CNTNAP2: variants seen among roughly 807,000 people sequenced by gnomAD.
CNTNAP2 encodes contactin associated protein 2.
In CNTNAP2, 98 loss-of-function variants were observed where a neutral mutation model predicts 155.2. The ratio of observed to expected loss-of-function variants is 0.63; its 90% CI spans 0.54 to 0.75. The LOEUF is 0.75. CNTNAP2 is among the 30% of genes least tolerant of loss of function. CNTNAP2 has a pLI of 0.00. For synonymous variants in CNTNAP2, 651 were observed against 631.2 expected (o/e 1.03, Z -0.47); for missense variants, 1,727 against 1,688.1 (o/e 1.02, Z -0.40).
chr7:147,657,660 A>G (rs1795545794), intron 13 of CNTNAP2, among the ~76,000 whole-genome samples: 1 of 152,208 alleles, frequency 6.6e-6, no homozygotes, highest in African/African-American at 2.4e-5. Flanking sequence ...GAGGAAAAAT[A>G]TAATTGGGGT....
At chr7:147,486,766 A>G (rs1242305192) in intron 11 of CNTNAP2, among the ~76,000 whole-genome samples, 1 of 152,206 alleles carries the variant, frequency 6.6e-6, no homozygotes, top group African/African-American at 2.4e-5. Flanking sequence ...TAATTTTCCA[A>G]TAATGCATCG....
intron 13 of CNTNAP2, among the ~76,000 whole-genome samples, chr7:147,794,650 T>A (rs568625265): frequency 6.6e-6 from 1 of 152,018 alleles, no homozygotes; most frequent in East Asian, 1.9e-4. Flanking sequence ...AATAGCCTCA[T>A]AGAATGAATA....
intron 13 of CNTNAP2, among the ~76,000 whole-genome samples, chr7:147,851,799 T>C (rs1239187722): frequency 2.7e-5 from 4 of 150,086 alleles, no homozygotes; most frequent in African/African-American, 4.9e-5. Flanking sequence ...TTAGGAGATA[T>C]ACCTAATGTA....
chr7:147,454,215 C>T (rs1473377915), intron 10 of CNTNAP2, among the ~76,000 whole-genome samples: 2 of 152,106 alleles, frequency 1.3e-5, no homozygotes, highest in Non-Finnish European at 2.9e-5. Context: ...TTTTCCCATG[C>T]CATACATTTC....
chr7:148,342,218 A>C (rs1798248949), intron 21 of CNTNAP2, among the ~76,000 whole-genome samples: 1 of 152,142 alleles, frequency 6.6e-6, no homozygotes, highest in African/African-American at 2.4e-5. Context: ...CAAATGTGAA[A>C]TTTTTGTCCT....
intron 13 of CNTNAP2, among the ~76,000 whole-genome samples, chr7:147,775,364 A>T (rs376836947): frequency 3.0e-4 from 10 of 33,782 alleles, no homozygotes; most frequent in South Asian, 1.6e-3. Flanking sequence ...TATATTTATA[A>T]ATATATATAT....
intron 3 of CNTNAP2, among the ~76,000 whole-genome samples, chr7:146,855,449 T>C (rs375805571): frequency 2.6e-5 from 4 of 152,130 alleles, no homozygotes; most frequent in African/African-American, 7.2e-5. Context: ...CAAATATAGA[T>C]TGGTTGAATA....
intron 4 of CNTNAP2, among the ~76,000 whole-genome samples, chr7:147,078,224 A>T (rs565815533): frequency 3.7e-4 from 57 of 152,352 alleles, no homozygotes; most frequent in African/African-American, 1.3e-3. Flanking sequence ...AACCCTGACA[A>T]TGCCAACTTT....
chr7:146,618,531 AGT>A, intron 1 of CNTNAP2, among the ~76,000 whole-genome samples: 1 of 152,306 alleles, frequency 6.6e-6, no homozygotes, highest in Non-Finnish European at 1.5e-5. Context: ...ATGATGAATG[AGT>A]GTATTTTTCA....
intron 11 of CNTNAP2, among the ~76,000 whole-genome samples, chr7:147,493,455 C>T (rs1798643757): frequency 6.6e-6 from 1 of 152,094 alleles, no homozygotes; most frequent in Admixed American, 6.5e-5. Flanking sequence ...GATCCAACTG[C>T]AGGACCACAG....
chr7:147,023,331 C>T (rs1798847666), intron 3 of CNTNAP2, among the ~76,000 whole-genome samples: 1 of 152,112 alleles, frequency 6.6e-6, no homozygotes, highest in South Asian at 2.1e-4. Context: ...AGTGCAAGGA[C>T]CCATTTATCA....
chr7:147,315,921 A>C (rs992470569), intron 9 of CNTNAP2, among the ~76,000 whole-genome samples: 5 of 151,974 alleles, frequency 3.3e-5, no homozygotes, highest in Non-Finnish European at 5.9e-5. Context: ...ATTTATTGCC[A>C]AATATTTTTA....
chr7:148,388,293 C>T (rs1000506441), intron 22 of CNTNAP2, among the ~76,000 whole-genome samples: 2 of 117,828 alleles, frequency 1.7e-5, no homozygotes, highest in South Asian at 3.7e-4. Context: ...ATCCCTCCCC[C>T]CTCCCCCCAC....
At chr7:147,563,793 C>T (rs1037697495) in intron 12 of CNTNAP2, among the ~76,000 whole-genome samples, 7 of 151,924 alleles carry the variant, frequency 4.6e-5, no homozygotes, top group Non-Finnish European at 1.5e-5. Flanking sequence ...TTGGCTCCAC[C>T]CCTGCAGACT....
In CNTNAP2 at chr7:147,049,070, C is replaced by T. The variant is rs116996059; in HGVS notation, c.550+5016C>T. On this transcript the variant is annotated intron_variant, in intron 4 of 23. Transcript: ENST00000361727. ...GGCTGGGGAGCTCAAGGTCAAGGGACCTGCATCTGGCGAAGGCCTTCTTTT... is the reference window on the plus strand; with the variant it reads ...GGCTGGGGAGCTCAAGGTCAAGGGATCTGCATCTGGCGAAGGCCTTCTTTT... 3.1e-3 allele frequency among the ~76,000 whole-genome samples: 471 copies of T among 152,258 alleles called. 1 individual carries two copies. The highest frequency in any genetic ancestry group is 5.4e-3 in the Non-Finnish European group (365 of 68,024).
chr7:148,104,446 AG>A (rs1219681661), intron 15 of CNTNAP2, among the ~76,000 whole-genome samples: 1 of 152,070 alleles, frequency 6.6e-6, no homozygotes, highest in Non-Finnish European at 1.5e-5. Context: ...GAGGCTCTGG[AG>A]GTTTTGTAGT....
At chr7:147,699,610 A>ATAAG (rs1428749306) in intron 13 of CNTNAP2, among the ~76,000 whole-genome samples, 1 of 151,926 alleles carries the variant, frequency 6.6e-6, no homozygotes, top group Admixed American at 6.6e-5. Flanking sequence ...AAATAAATAA[A>ATAAG]TAAAAAGATG....
intron 2 of CNTNAP2, among the ~76,000 whole-genome samples, chr7:146,801,518 T>C (rs1327270209): frequency 6.6e-6 from 1 of 152,214 alleles, no homozygotes; most frequent in Admixed American, 6.5e-5. Flanking sequence ...GCATAAAAAG[T>C]TTCTATTTCC....
At chr7:147,762,212 TAAG>T (rs1009367246) in intron 13 of CNTNAP2, among the ~76,000 whole-genome samples, 1 of 143,454 alleles carries the variant, frequency 7.0e-6, no homozygotes, top group Admixed American at 6.8e-5. Flanking sequence ...AGAAACAACA[TAAG>T]AAAAGTTTCA....
Sources: allele counts gnomAD v4.1 joint callset (sites outside exome capture counted in the v4.1 genomes callset), GRCh38; gene constraint gnomAD v4.1.1; transcripts MANE v1.5; gene names NCBI Gene and HGNC (gene_info 2026-07-23, HGNC 2026-07-21).